COLEC12: variants seen among roughly 807,000 people sequenced by gnomAD.
COLEC12 encodes the protein collectin subfamily member 12.
In COLEC12, 33 loss-of-function variants were observed where a neutral mutation model predicts 71.1. The observed-to-expected ratio is 0.46, with a 90% CI of 0.35 to 0.62. COLEC12 has a LOEUF of 0.62. COLEC12 is among the 20% of genes least tolerant of loss of function. The pLI, the probability that COLEC12 is intolerant of heterozygous loss-of-function variation, is 0.00. For synonymous variants in COLEC12, 350 were observed against 353.0 expected, an observed-to-expected ratio of 0.99 and a Z score of 0.10; for missense variants, 765 against 916.1, an observed-to-expected ratio of 0.84 and a Z score of 2.13.
chr18:401,959 C>T (rs980379889), intron 2 of COLEC12, among the ~76,000 whole-genome samples: 5 of 152,160 alleles, frequency 3.3e-5, no homozygotes, highest in African/African-American at 9.7e-5. Context: ...CACTTTAAGA[C>T]AGCAGAAAAC....
intron 3 of COLEC12, among the ~76,000 whole-genome samples, chr18:353,982 A>G (rs1308034013): frequency 2.0e-5 from 3 of 152,250 alleles, no homozygotes; most frequent in Non-Finnish European, 2.9e-5. Flanking sequence ...AAAGTAGACT[A>G]CCAGTGACTA....
Position 352,032 on chromosome 18 carries a change from C to T in COLEC12, c.182-3869G>A, listed in dbSNP as rs146407080. Among the ~76,000 whole-genome samples, 1,174 of 152,252 alleles carry T rather than the reference C, an allele frequency of 7.7e-3. 15 individuals are homozygous for T. Among genetic ancestry groups the T allele is most frequent in the African/African-American group, 0.023 (960 of 41,530 alleles). Reference sequence around the variant, plus strand: ...GGCAAGCAAACACGTGTTTCCCAACCAACCCAGGGAAGCCTGAGCATTGGC... The same window carrying T: ...GGCAAGCAAACACGTGTTTCCCAACTAACCCAGGGAAGCCTGAGCATTGGC... On this transcript the variant is annotated intron_variant, in intron 3 of 9. Transcript: ENST00000400256.
Position 326,252 on chromosome 18 carries a change from G to A in COLEC12, c.2064-4445C>T, listed in dbSNP as rs191893870. ...ACCCATGGGTTATTTAGAAATGTGTGGTTTAAAATAATTGGGATTTTACAG... is the reference window on the plus strand; with the variant it reads ...ACCCATGGGTTATTTAGAAATGTGTAGTTTAAAATAATTGGGATTTTACAG... On this transcript the variant is annotated intron_variant, in intron 8 of 9. Transcript: ENST00000400256. Among the ~76,000 whole-genome samples, 411 of 152,232 alleles carry A rather than the reference G, an allele frequency of 2.7e-3. 1 individual carries two copies. Among genetic ancestry groups the A allele is most frequent in the African/African-American group, 9.4e-3 (392 of 41,544 alleles).
At chr18:458,662 T>C (rs2621167) in intron 2 of COLEC12, among the ~76,000 whole-genome samples, 42,469 of 152,180 alleles carry the variant, frequency 0.28, 6,573 homozygotes, top group South Asian at 0.46. Context: ...AAAAGCCCCT[T>C]GTTATTTTGG....
At chr18:491,955 T>A (rs1917626471) in intron 1 of COLEC12, among the ~76,000 whole-genome samples, 1 of 152,192 alleles carries the variant, frequency 6.6e-6, no homozygotes. Flanking sequence ...ACACAGTTAT[T>A]ATGTATTCTC....
intron 8 of COLEC12, among the ~76,000 whole-genome samples, chr18:325,189 TTAAAAAA>T (rs1273365284): frequency 3.9e-5 from 6 of 152,112 alleles, no homozygotes; most frequent in Admixed American, 2.6e-4. Context: ...TGAGACCATC[TTAAAAAA>T]TAAAAAATAA....
chr18:420,788 A>T (rs2846653), intron 2 of COLEC12, among the ~76,000 whole-genome samples: 139,126 of 151,982 alleles, frequency 0.92, 64,415 homozygotes, highest in East Asian at 1. Context: ...GAGAGACTAC[A>T]CCTCCCTCCA....
At chr18:426,628 C>G (rs575903638) in intron 2 of COLEC12, among the ~76,000 whole-genome samples, 14 of 152,250 alleles carry the variant, frequency 9.2e-5, no homozygotes, top group African/African-American at 3.4e-4. Flanking sequence ...ATTAATTAAT[C>G]AGTTAAATAA....
At chr18:326,973 C>T (rs1307144320) in intron 8 of COLEC12, among the ~76,000 whole-genome samples, 3 of 152,140 alleles carry the variant, frequency 2.0e-5, no homozygotes, top group Non-Finnish European at 4.4e-5. Flanking sequence ...ATCCCAATGA[C>T]GACTGCTCAC....
At chr18:438,843 T>C (rs1916457185) in intron 2 of COLEC12, among the ~76,000 whole-genome samples, 1 of 150,656 alleles carries the variant, frequency 6.6e-6, no homozygotes, top group Non-Finnish European at 1.5e-5. Context: ...AAGTCCCAAT[T>C]ACCCTACATT....
In COLEC12 at chr18:334,995, G is replaced by A. The variant is rs773231728; in HGVS notation, c.1563C>T (p.Gly521=). Residue 521 remains glycine, a synonymous_variant, in exon 6 of 10, where the codon GGC becomes GGT. Transcript: ENST00000400256. ...RGSPGKPGPQ[G]SSGDPGPPGP... is the part of the protein sequence containing the mutation. ...CCGGGGGGCCTGGGTCCCCACTGGA[G>A]CCCTGAGGGCCGGGCTTCCCAGGGG... 12 of 1,580,824 alleles carry A rather than the reference G, an allele frequency of 7.6e-6. No homozygotes were observed. The highest frequency in any genetic ancestry group is 1.0e-5 in the Non-Finnish European group (12 of 1,169,926).
chr18:339,949 GCTGATTAGCAT>G (rs1441726395), intron 5 of COLEC12, among the ~76,000 whole-genome samples: 5 of 151,926 alleles, frequency 3.3e-5, no homozygotes, highest in Non-Finnish European at 7.4e-5. Flanking sequence ...TGCTGGCACT[GCTGATTAGCAT>G]CTGGATGATC....
intron 2 of COLEC12, among the ~76,000 whole-genome samples, chr18:475,417 TC>T (rs1768980949): frequency 6.6e-6 from 1 of 152,128 alleles, no homozygotes; most frequent in Admixed American, 6.5e-5. Context: ...CCTGGAGCCC[TC>T]CTTGTTGTCG....
chr18:482,171 A>C (rs1917432691), intron 1 of COLEC12, among the ~76,000 whole-genome samples: 1 of 149,518 alleles, frequency 6.7e-6, no homozygotes, highest in Non-Finnish European at 1.5e-5. Context: ...GCTGAAGTGC[A>C]GTGGCGCGAT....
At position 411,717 on chromosome 18, in the gene COLEC12, A is replaced by T. The variant is rs886779818; in HGVS notation, c.59-54195T>A. ...CCCAGACATCTGAGACATGCCTGGG[A>T]AACATGGTGAAACCTCATCTCTACA... On this transcript the variant is annotated intron_variant, in intron 2 of 9. Coordinates refer to ENST00000400256, the MANE Select transcript of COLEC12 (RefSeq NM_130386.3). Among the ~76,000 whole-genome samples the T allele has an allele frequency of 2.0e-5, 3 of 152,202 alleles. No homozygotes were observed. In the South Asian group the frequency reaches 6.2e-4, roughly 32 times the overall value.
intron 2 of COLEC12, among the ~76,000 whole-genome samples, chr18:395,182 C>T (rs1915544229): frequency 6.6e-6 from 1 of 152,192 alleles, no homozygotes; most frequent in South Asian, 2.1e-4. Context: ...GGACTCAGAC[C>T]TCACGCTCTG....
intron 3 of COLEC12, among the ~76,000 whole-genome samples, chr18:351,708 C>A (rs1914525983): frequency 6.6e-6 from 1 of 152,152 alleles, no homozygotes; most frequent in Admixed American, 6.5e-5. Flanking sequence ...GCTGGGATTA[C>A]AGGAGCCTGT....
rs1277281192 is a variant in COLEC12 at position 500,233 on chromosome 18, C to A, written c.7+275G>T. ...AAAGTTGGAAACGGGAATCCGTAAA[C>A]AACGACTTAGGGCTTCAAACTACTT... On this transcript the variant is annotated intron_variant, in intron 1 of 9. Coordinates refer to ENST00000400256, the MANE Select transcript of COLEC12 (RefSeq NM_130386.3). This position sits in a 1 kb window ranked among gnomAD's most constrained non-coding sequence, Gnocchi z 5.3. Among the ~76,000 whole-genome samples the A allele has an allele frequency of 1.3e-5, 2 of 152,198 alleles. No homozygotes were observed. Among genetic ancestry groups the A allele is most frequent in the African/African-American group, 4.8e-5 (2 of 41,468 alleles).
Position 347,094 on chromosome 18 carries a change from G to C in COLEC12, c.528C>G (p.Gly176=), listed in dbSNP as rs888112043. The C allele has an allele frequency of 6.8e-6, 11 of 1,614,188 alleles. No homozygotes were observed. The highest frequency in any genetic ancestry group is 1.3e-5 in the African/African-American group (1 of 75,046). ...TVNKTLQAYN[G]YVTNLQQDTS... ...TATCTTGCTGCAGATTCGTGACATA[G>C]CCATTATACGCCTGGAGGGTTTTGT... The change falls in exon 5 of 10, where the codon GGC becomes GGG. Residue 176 remains glycine, a synonymous_variant. Coordinates refer to ENST00000400256, the MANE Select transcript of COLEC12 (RefSeq NM_130386.3).
Sources: allele counts gnomAD v4.1 joint callset (sites outside exome capture counted in the v4.1 genomes callset), GRCh38; gene constraint gnomAD v4.1.1; non-coding constraint Gnocchi (gnomAD v3.1); transcripts MANE v1.5; gene names NCBI Gene and HGNC (gene_info 2026-07-23, HGNC 2026-07-21).